AGO1: variants seen among roughly 807,000 people sequenced by gnomAD.
AGO1 encodes the protein protein argonaute-1.
AGO1 carries 11 observed loss-of-function variants against 109.2 expected under a neutral mutation model. The ratio of observed to expected loss-of-function variants is 0.10; its 90% confidence interval spans 0.06 to 0.17. AGO1 has a LOEUF of 0.17. AGO1 is among the 10% of genes least tolerant of loss of function. AGO1 has a pLI of 1.00. For missense variants in AGO1, 574 were observed against 1,140.3 expected (o/e 0.50, Z 7.15); for synonymous variants, 422 against 418.6 (o/e 1.01, Z -0.10).
In AGO1 at chr1:35,907,012, A is replaced by C; in HGVS notation, c.1475A>C (p.Tyr492Ser). The C allele has an allele frequency of 6.2e-7, 1 of 1,614,100 alleles. No individual in the cohort carries two copies. Among genetic ancestry groups the C allele is most frequent in the Non-Finnish European group, 8.5e-7 (1 of 1,180,004 alleles). Reference protein sequence around the residue: ...PIQGQPCFCKYAQGADSVEPM... With the variant: ...PIQGQPCFCKSAQGADSVEPM... ...CAGGGTCAACCTTGTTTCTGCAAAT[A>C]TGCACAGGGGGCAGACAGCGTGGAG... Residue 492 changes from tyrosine (Y) to serine (S), a missense_variant, in exon 12 of 19, where the codon TAT (tyrosine) becomes TCT (serine). Coordinates refer to ENST00000373204, the MANE Select transcript of AGO1 (RefSeq NM_012199.5).
chr1:35,878,178 G>T (rs1257654763), intron 1 of AGO1, among the ~76,000 whole-genome samples: 1 of 151,728 alleles, frequency 6.6e-6, no homozygotes, highest in Non-Finnish European at 1.5e-5. Flanking sequence ...CTGCCTCCCG[G>T]ATTCACGCCA....
chr1:35,912,227 C>T lies in AGO1; in HGVS notation c.1583-1615C>T, dbSNP rs143756372. ...ACAAAAAATTAACCGGACATGGTGG[C>T]GGGCACCTGTAGTCCCAGCTACTCA... On this transcript the variant is annotated intron_variant, in intron 12 of 18. Coordinates refer to ENST00000373204, the MANE Select transcript of AGO1 (RefSeq NM_012199.5). Among the ~76,000 whole-genome samples the T allele has an allele frequency of 9.2e-5, 14 of 152,022 alleles. No homozygotes were observed. In the East Asian group the frequency reaches 1.9e-3, roughly 21 times the overall value.
chr1:35,876,698 G>T (rs1644995810), intron 1 of AGO1, among the ~76,000 whole-genome samples: 1 of 152,224 alleles, frequency 6.6e-6, no homozygotes, highest in South Asian at 2.1e-4. Context: ...TGATATGGCA[G>T]TGACAGTGTT....
chr1:35,920,446 T>A lies in AGO1; in HGVS notation c.*839T>A, dbSNP rs764601080. 5 of 146,264 alleles carry A rather than the reference T, an allele frequency of 3.4e-5. No individual in the cohort carries two copies. Among genetic ancestry groups the A allele is most frequent in the Non-Finnish European group, 7.6e-5 (5 of 66,092 alleles). 9.1% of individuals were successfully genotyped at this position (146,264 alleles called of 1,614,324 possible). A position where few individuals can be genotyped will look rare whatever the true frequency, so the allele number is the denominator to read the frequency against. On this transcript the variant is annotated 3_prime_UTR_variant, in exon 19 of 19. Transcript: ENST00000373204. ...TTGTACCTTTCTTTGGGGAATGGGG[T>A]GGGGGTGGGAGAGGAGGTAGATGGG...
At position 35,887,525 on chromosome 1, in the gene AGO1, G is replaced by A. The variant is rs182954499; in HGVS notation, c.26-902G>A. Among the ~76,000 whole-genome samples the A allele has an allele frequency of 3.1e-4, 47 of 152,260 alleles. 1 individual carries two copies. The highest frequency in any genetic ancestry group is 1.1e-3 in the African/African-American group (45 of 41,538). On this transcript the variant is annotated intron_variant, in intron 1 of 18. Coordinates refer to ENST00000373204, the MANE Select transcript of AGO1 (RefSeq NM_012199.5). ...CTTGAAATTGATCTCTTCTGCTGCTGTCTGGACCTTCTGTGTGGAAGGATC... is the reference window on the plus strand; with the variant it reads ...CTTGAAATTGATCTCTTCTGCTGCTATCTGGACCTTCTGTGTGGAAGGATC...
In AGO1 at chr1:35,925,385, TAAACA is replaced by T. The variant is rs997523767; in HGVS notation, c.*5783_*5787del. On this transcript the variant is annotated 3_prime_UTR_variant, in exon 19 of 19. Transcript: ENST00000373204. ...CAATTAGGAGATAATTGTAAAAGAATAAACAAAACCTAATTTTGTTCCTAGCCAAT... is the reference window on the plus strand; with the variant it reads ...CAATTAGGAGATAATTGTAAAAGAATAAACCTAATTTTGTTCCTAGCCAAT... The T allele has an allele frequency of 2.7e-5, 4 of 149,854 alleles. No homozygotes were observed. Among genetic ancestry groups the T allele is most frequent in the African/African-American group, 9.9e-5 (4 of 40,408 alleles). 9.3% of individuals were successfully genotyped at this position (149,854 alleles called of 1,614,324 possible). A position where few individuals can be genotyped will look rare whatever the true frequency, so the allele number is the denominator to read the frequency against.
At position 35,919,362 on chromosome 1, in the gene AGO1, T is replaced by C. The variant is rs184241679; in HGVS notation, c.2465+108T>C. On this transcript the variant is annotated intron_variant, in intron 18 of 18. Transcript: ENST00000373204. The surrounding 1 kb of genome is among the most constrained non-coding windows in gnomAD (Gnocchi z 6.6). ...ATGAGTGCTGTCCAATTTGGTGTCA[T>C]TGGGCTCGTCTGCCCAATCCTGGGT... 8.8e-6 allele frequency: 13 copies of C among 1,475,732 alleles called. No homozygotes were observed. In the East Asian group the frequency reaches 2.0e-4, roughly 22 times the overall value. The allele number at this position is 1,475,732 out of a possible 1,614,324, so 91.4% of individuals were successfully genotyped here.
intron 15 of AGO1, among the ~76,000 whole-genome samples, chr1:35,916,804 G>C (rs1190463402): frequency 6.6e-6 from 1 of 152,200 alleles, no homozygotes; most frequent in Non-Finnish European, 1.5e-5. Flanking sequence ...AAAGCAATCA[G>C]TAGTTATTAA....
chr1:35,894,237 G>C, intron 6 of AGO1, 66 bp downstream of exon 6: 1 of 1,590,522 alleles, frequency 6.3e-7, no homozygotes, highest in Non-Finnish European at 8.6e-7. Flanking sequence ...ATCCCCTTGG[G>C]GTATGCTCAG....
intron 12 of AGO1, among the ~76,000 whole-genome samples, chr1:35,913,451 A>G (rs1338780349): frequency 6.6e-6 from 1 of 151,994 alleles, no homozygotes; most frequent in Non-Finnish European, 1.5e-5. Flanking sequence ...TCTCAAACAC[A>G]TCTTGCTGTC....
At chr1:35,898,441 A>G (rs1645359508) in intron 8 of AGO1, among the ~76,000 whole-genome samples, 1 of 152,046 alleles carries the variant, frequency 6.6e-6, no homozygotes, top group African/African-American at 2.4e-5. Context: ...TATTTTTAGT[A>G]GAGATGGGGT....
intron 7 of AGO1, 91 bp from the exon 8 acceptor site, chr1:35,895,031 A>G: frequency 1.4e-6 from 2 of 1,455,474 alleles, no homozygotes; most frequent in Non-Finnish European, 9.1e-7. Context: ...ATGAAAAAGG[A>G]AAAAATCTGA....
intron 15 of AGO1, 146 bp from the exon 16 acceptor site, chr1:35,917,447 C>CAG (rs1645753743): frequency 1.1e-6 from 1 of 911,132 alleles, no homozygotes; most frequent in African/African-American, 1.7e-5. Flanking sequence ...AAGGGCCTGT[C>CAG]ATCTCTAATT....
rs1645797468 is a variant in AGO1 at position 35,919,717 on chromosome 1, T to C, written c.*110T>C. On this transcript the variant is annotated 3_prime_UTR_variant, in exon 19 of 19. Transcript: ENST00000373204. This position sits in a 1 kb window ranked among gnomAD's most constrained non-coding sequence, Gnocchi z 6.6. ...AGGAGGGAGGTGGGGTAGGGAGGAG[T>C]GTAGGATGCCTTGTTTCCTTCTATA... 4 of 984,044 alleles carry C rather than the reference T, an allele frequency of 4.1e-6. No homozygotes were observed. In the Admixed American group the frequency reaches 9.7e-5, roughly 24 times the overall value. The allele number at this position is 984,044 out of a possible 1,614,324, so 61.0% of individuals were successfully genotyped here.
In AGO1 at chr1:35,901,288, T is replaced by A. The variant is rs543962533; in HGVS notation, c.1021-186T>A. Among the ~76,000 whole-genome samples, 10 of 152,288 alleles carry A rather than the reference T, an allele frequency of 6.6e-5. No individual in the cohort carries two copies. Among genetic ancestry groups the A allele is most frequent in the African/African-American group, 2.4e-4 (10 of 41,564 alleles). On this transcript the variant is annotated intron_variant, in intron 8 of 18. Transcript: ENST00000373204. The surrounding 1 kb of genome is among the most constrained non-coding windows in gnomAD (Gnocchi z 4.8). ...GCCCGGCCTGAATCGCCTTTTACAA[T>A]GCACACGAATATTTTCTAATTTACC...
intron 12 of AGO1, among the ~76,000 whole-genome samples, chr1:35,910,037 T>C (rs968314428): frequency 2.0e-5 from 3 of 151,692 alleles, no homozygotes; most frequent in African/African-American, 4.8e-5. Context: ...AAATATTTTA[T>C]TGGGACTTCG....
At chr1:35,900,914 AT>A (rs753626238) in intron 8 of AGO1, among the ~76,000 whole-genome samples, 2 of 151,842 alleles carry the variant, frequency 1.3e-5, no homozygotes, top group East Asian at 1.9e-4. Context: ...TCTCAAAAAA[AT>A]AAATAAATAA....
chr1:35,878,826 A>AT (rs1351059185), upstream of AGO1, among the ~76,000 whole-genome samples: 2 of 151,662 alleles, frequency 1.3e-5, no homozygotes, highest in East Asian at 3.9e-4. Context: ...ATTTTTGGTT[A>AT]TTTTTTTGAA....
chr1:35,885,853 C>T (rs1645111835), intron 1 of AGO1, among the ~76,000 whole-genome samples: 1 of 152,246 alleles, frequency 6.6e-6, no homozygotes, highest in African/African-American at 2.4e-5. Context: ...CAAGTGTGAA[C>T]ATAAATGGTT....
Sources: allele counts gnomAD v4.1 joint callset (sites outside exome capture counted in the v4.1 genomes callset), GRCh38; gene constraint gnomAD v4.1.1; non-coding constraint Gnocchi (gnomAD v3.1); transcripts MANE v1.5; gene names NCBI Gene and HGNC (gene_info 2026-07-23, HGNC 2026-07-21).